Variants in NLGN4X observed in about 807,000 individuals in gnomAD.
NLGN4X encodes neuroligin 4 X-linked, also known as neuroligin-4, X-linked.
NLGN4X carries 3 observed loss-of-function variants against 40.3 expected under a neutral mutation model. The observed-to-expected ratio is 0.07, with a 90% CI of 0.03 to 0.19. NLGN4X has a LOEUF of 0.19. Among genes scored for constraint, NLGN4X ranks in the 10% least tolerant of loss-of-function variants. NLGN4X has a pLI of 1.00. For missense variants in NLGN4X, 382 were observed against 708.3 expected (o/e 0.54, Z 5.23); for synonymous variants, 270 against 306.8 (o/e 0.88, Z 1.25).
At chrX:6,021,005 TC>T (rs200330173) in intron 3 of NLGN4X, among the ~76,000 whole-genome samples, 8 of 8,566 alleles carry the variant, frequency 9.3e-4, no homozygotes, top group African/African-American at 3.2e-3. Context: ...CCTTCTTTTC[TC>T]TCTCTCTCTC....
chrX:6,002,689 G>C (rs12013076), intron 3 of NLGN4X, among the ~76,000 whole-genome samples: 30,590 of 110,676 alleles, frequency 0.28, 3,768 homozygotes, highest in African/African-American at 0.48. Flanking sequence ...AAAGCAACCA[G>C]GGCCCAAAGT....
At chrX:6,052,757 G>A (rs1044758878) in intron 2 of NLGN4X, among the ~76,000 whole-genome samples, 6 of 112,235 alleles carry the variant, frequency 5.3e-5, no homozygotes, top group African/African-American at 9.7e-5. Flanking sequence ...CCATGATACC[G>A]CAACTGCTTC....
chrX:6,153,204 T>C (rs988540865), intron 1 of NLGN4X, among the ~76,000 whole-genome samples: 3 of 111,658 alleles, frequency 2.7e-5, no homozygotes, highest in Non-Finnish European at 3.8e-5. Flanking sequence ...ATACATCACA[T>C]GGCTTTTTTT....
At chrX:5,948,798 C>T in intron 3 of NLGN4X, among the ~76,000 whole-genome samples, 1 of 112,049 alleles carries the variant, frequency 8.9e-6, no homozygotes, top group South Asian at 3.7e-4. Context: ...GAGGATCTCC[C>T]ATGATTCTGT....
chrX:6,093,312 T>A (rs920216911), intron 2 of NLGN4X, among the ~76,000 whole-genome samples: 7 of 112,093 alleles, frequency 6.2e-5, no homozygotes, highest in African/African-American at 2.3e-4. Flanking sequence ...TAACAAATAT[T>A]CATGATACAT....
rs778575317 is a variant in NLGN4X, at chrX:5,909,149, C to A, written c.716G>T (p.Gly239Val). Residue 239 changes from glycine to valine, a missense_variant, in exon 4 of 6, where the codon GGA becomes GTA. Transcript: ENST00000381095. ...TCTCTTGGGGTCCCCGCCAAAGGCT[C>A]CCACATTCTCCTCAATCCACCGCAG... ...QALRWIEENV[G>V]AFGGDPKRVT... The A allele has an allele frequency of 6.6e-6, 8 of 1,211,350 alleles. No homozygotes were observed. The highest frequency in any genetic ancestry group is 8.9e-6 in the Non-Finnish European group (8 of 895,450).
intron 1 of NLGN4X, among the ~76,000 whole-genome samples, chrX:6,218,079 T>C (rs1197695889): frequency 9.0e-6 from 1 of 111,647 alleles, no homozygotes; most frequent in African/African-American, 3.3e-5. Flanking sequence ...CAGCATACAG[T>C]TGGCATGTGG....
intron 1 of NLGN4X, among the ~76,000 whole-genome samples, chrX:6,179,007 G>A (rs1034556103): frequency 9.2e-6 from 1 of 108,737 alleles, no homozygotes; most frequent in Middle Eastern, 4.6e-3. Flanking sequence ...TGTGAGATGG[G>A]AAGATTACTT....
At chrX:5,984,681 C>T (rs1229174070) in intron 3 of NLGN4X, among the ~76,000 whole-genome samples, 1 of 112,054 alleles carries the variant, frequency 8.9e-6, no homozygotes, top group African/African-American at 3.2e-5. Flanking sequence ...CTTAAACTGA[C>T]AGCTAAATTC....
chrX:6,174,990 T>C (rs189406020), intron 1 of NLGN4X, among the ~76,000 whole-genome samples: 40 of 112,058 alleles, frequency 3.6e-4, no homozygotes, highest in South Asian at 1.1e-3. Flanking sequence ...TGTGTCCTCA[T>C]TCTGAAGGCT....
At chrX:5,959,320 A>AT (rs762507046) in intron 3 of NLGN4X, among the ~76,000 whole-genome samples, 1 of 112,272 alleles carries the variant, frequency 8.9e-6, no homozygotes, top group Non-Finnish European at 1.9e-5. Context: ...GCATTTCTGG[A>AT]TTTTTATACC....
intron 3 of NLGN4X, among the ~76,000 whole-genome samples, chrX:5,911,475 T>C (rs1411920750): frequency 1.8e-5 from 2 of 111,982 alleles, no homozygotes; most frequent in African/African-American, 6.5e-5. Context: ...GGTTTGATCT[T>C]TGAGGTTCTG....
intron 3 of NLGN4X, among the ~76,000 whole-genome samples, chrX:5,922,642 C>G (rs893716665): frequency 1.8e-5 from 2 of 111,235 alleles, no homozygotes; most frequent in Admixed American, 9.6e-5. Flanking sequence ...GCAGGCGGAT[C>G]ACCTGAGGTC....
intron 2 of NLGN4X, among the ~76,000 whole-genome samples, chrX:6,076,080 C>T (rs1462387037): frequency 1.8e-5 from 2 of 111,702 alleles, no homozygotes; most frequent in African/African-American, 6.5e-5. Flanking sequence ...CCTCTTCCCA[C>T]ATCATAAAAA....
rs2035603460 is a variant in NLGN4X at position 5,988,969 on chromosome X, G to A, written c.625+40311C>T. 3.6e-5 allele frequency among the ~76,000 whole-genome samples: 4 copies of A among 110,528 alleles called. No individual in the cohort carries two copies. In the Admixed American group the frequency reaches 3.8e-4, roughly 11 times the overall value. On this transcript the variant is annotated intron_variant, in intron 3 of 5. Transcript: ENST00000381095. ...TGTATTTCTGGCTACTTGGGAGGTT[G>A]AGGCAGGAGAATCGCTTGAACCTGT...
intron 2 of NLGN4X, among the ~76,000 whole-genome samples, chrX:6,116,075 G>C (rs527659721): frequency 1.1e-4 from 12 of 108,563 alleles, no homozygotes; most frequent in Middle Eastern, 4.7e-3. Context: ...GGGTGCATCA[G>C]GAGGTCAGGA....
chrX:5,937,370 G>C (rs1340336426), intron 3 of NLGN4X, among the ~76,000 whole-genome samples: 2 of 111,321 alleles, frequency 1.8e-5, no homozygotes, highest in Admixed American at 9.6e-5. Flanking sequence ...TCTGAATTGA[G>C]AAGTGACCCA....
At chrX:6,114,521 AACACACACACACACAC>A (rs529608747) in intron 2 of NLGN4X, among the ~76,000 whole-genome samples, 14 of 95,665 alleles carry the variant, frequency 1.5e-4, no homozygotes, top group South Asian at 5.2e-4. Context: ...CAAAGTGGCA[AACACACACACACACAC>A]ACACACACAC....
At chrX:5,947,215 G>A (rs1190933119) in intron 3 of NLGN4X, among the ~76,000 whole-genome samples, 1 of 111,734 alleles carries the variant, frequency 8.9e-6, no homozygotes, top group African/African-American at 3.3e-5. Context: ...TGGGATTGCT[G>A]GGTCTAATGG....
Sources: allele counts gnomAD v4.1 joint callset (sites outside exome capture counted in the v4.1 genomes callset), GRCh38; gene constraint gnomAD v4.1.1; transcripts MANE v1.5; gene names NCBI Gene and HGNC (gene_info 2026-07-23, HGNC 2026-07-21).